Variants in BLM observed in about 807,000 individuals in gnomAD.
BLM encodes the protein recQ-like DNA helicase BLM.
A neutral mutation model predicts 135.3 loss-of-function variants in BLM; 95 were observed. The observed-to-expected ratio is 0.70, with a 90% CI of 0.59 to 0.83. The LOEUF (loss-of-function observed/expected upper bound fraction) is 0.83, where lower values mean the gene tolerates loss of function less well. Ranked by LOEUF, BLM falls within the 40% of genes least tolerant of loss-of-function variation. The pLI, the probability that BLM is intolerant of heterozygous loss-of-function variation, is 0.00. For synonymous variants in BLM, 520 were observed against 589.2 expected (o/e 0.88, Z 1.70); for missense variants, 1,518 against 1,663.9 (o/e 0.91, Z 1.53).
At chr15:90,740,220 T>G (rs537465659) in intron 1 of BLM, among the ~76,000 whole-genome samples, 1 of 152,306 alleles carries the variant, frequency 6.6e-6, no homozygotes, top group South Asian at 2.1e-4. Flanking sequence ...GCATACCCCT[T>G]GCCATCATCC....
chr15:90,743,097 G>A lies in BLM; in HGVS notation c.-4-4292G>A, dbSNP rs967543570. 2.0e-5 allele frequency among the ~76,000 whole-genome samples: 3 copies of A among 151,032 alleles called. No homozygotes were observed. In the East Asian group the frequency reaches 5.9e-4, roughly 30 times the overall value. On this transcript the variant is annotated intron_variant, in intron 1 of 21. Transcript: ENST00000355112. ...TGCAGCCTCGAACTCCTGGGCTCAAGGGATACTCCCACCTCAGCCTCCCTG... is the reference window on the plus strand; with the variant it reads ...TGCAGCCTCGAACTCCTGGGCTCAAAGGATACTCCCACCTCAGCCTCCCTG...
intron 1 of BLM, among the ~76,000 whole-genome samples, chr15:90,729,029 A>G (rs1175214052): frequency 6.6e-6 from 1 of 151,892 alleles, no homozygotes; most frequent in Non-Finnish European, 1.5e-5. Context: ...AAAAATAACA[A>G]TAACACACGG....
At chr15:90,801,117 C>G (rs940980964) in intron 17 of BLM, among the ~76,000 whole-genome samples, 1 of 151,224 alleles carries the variant, frequency 6.6e-6, no homozygotes, top group Admixed American at 6.6e-5. Context: ...CCACTGCACT[C>G]CAGCCTGGGT....
chr15:90,815,276 A>C lies in BLM; in HGVS notation c.4251A>C (p.Ser1417=), dbSNP rs886051553. 6.2e-7 allele frequency: 1 copy of C among 1,613,788 alleles called. No homozygotes were observed. Among genetic ancestry groups the C allele is most frequent in the Non-Finnish European group, 8.5e-7 (1 of 1,179,708 alleles). ...TTCTTAAGCCTTCATATGCATTCTC[A>C]TAACAACCGAATCTCAATGTACATA... The part of the protein sequence containing the change: ...RPFLKPSYAF[S] The change falls in exon 22 of 22, where the codon TCA becomes TCC. Residue 1417 remains serine, a synonymous_variant. Coordinates refer to ENST00000355112, the MANE Select transcript of BLM (RefSeq NM_000057.4). This position sits in a 1 kb window ranked among gnomAD's most constrained non-coding sequence, Gnocchi z 4.6.
intron 17 of BLM, among the ~76,000 whole-genome samples, chr15:90,801,173 A>G (rs950641779): frequency 8.2e-6 from 1 of 121,650 alleles, no homozygotes; most frequent in East Asian, 2.8e-4. Context: ...TGTAAAAAAA[A>G]AAAAAGTTGG....
At chr15:90,738,849 G>A (rs1023486536) in intron 1 of BLM, among the ~76,000 whole-genome samples, 8 of 152,106 alleles carry the variant, frequency 5.3e-5, no homozygotes, top group Non-Finnish European at 1.2e-4. Flanking sequence ...ATTAGGATGT[G>A]GAAAAATGGG....
rs2029894749 is a variant in BLM, at chr15:90,815,589, C to T, written c.*310C>T. ...CCCAGAAGCCAAAGGAAGAGCCACG[C>T]GTGGGCCCTTGTGAAACTAAAGCTT... On this transcript the variant is annotated 3_prime_UTR_variant, in exon 22 of 22. Coordinates refer to ENST00000355112, the MANE Select transcript of BLM (RefSeq NM_000057.4). The surrounding 1 kb of genome is among the most constrained non-coding windows in gnomAD (Gnocchi z 4.6). The T allele has an allele frequency of 1.1e-5, 4 of 379,782 alleles. No homozygotes were observed. The highest frequency in any genetic ancestry group is 9.8e-5 in the South Asian group (3 of 30,494). 23.5% of individuals were successfully genotyped at this position (379,782 alleles called of 1,614,324 possible).
chr15:90,811,053 G>T, intron 20 of BLM, 152 bp from the exon 21 acceptor site: 1 of 754,752 alleles, frequency 1.3e-6, no homozygotes, highest in East Asian at 2.6e-5. Flanking sequence ...GTAAAAAAAG[G>T]TTTGGTTCTT....
chr15:90,724,293 A>G (rs1002114185), intron 1 of BLM, among the ~76,000 whole-genome samples: 2 of 152,122 alleles, frequency 1.3e-5, no homozygotes, highest in Admixed American at 6.6e-5. Context: ...GATTACAAGC[A>G]TGAGCCACTT....
At chr15:90,799,423 A>C (rs1303471231) in intron 17 of BLM, among the ~76,000 whole-genome samples, 2 of 151,992 alleles carry the variant, frequency 1.3e-5, no homozygotes, top group Non-Finnish European at 2.9e-5. Flanking sequence ...AGTCAAGAAA[A>C]TTTAGGAACT....
chr15:90,718,993 TTTG>T (rs1894686472), intron 1 of BLM, among the ~76,000 whole-genome samples: 1 of 152,122 alleles, frequency 6.6e-6, no homozygotes, highest in Non-Finnish European at 1.5e-5. Flanking sequence ...TGAGTTTGTT[TTTG>T]TTTTTGTTTT....
intron 1 of BLM, among the ~76,000 whole-genome samples, chr15:90,730,941 T>A (rs1009370988): frequency 9.9e-5 from 15 of 151,802 alleles, no homozygotes; most frequent in Non-Finnish European, 1.5e-4. Context: ...GTATTTTTTA[T>A]TTTATTTATT....
At chr15:90,765,575 C>G (rs1169617317) in intron 9 of BLM, among the ~76,000 whole-genome samples, 161 bp downstream of exon 9, 2 of 152,228 alleles carry the variant, frequency 1.3e-5, no homozygotes, top group African/African-American at 4.8e-5. Flanking sequence ...CAGATAACCT[C>G]TAGTTCAATC....
intron 5 of BLM, 136 bp downstream of exon 5, chr15:90,755,074 C>A: frequency 1.8e-6 from 2 of 1,134,358 alleles, no homozygotes; most frequent in Non-Finnish European, 2.5e-6. Flanking sequence ...CTTCTAATGT[C>A]ATAACCTTGT....
intron 3 of BLM, among the ~76,000 whole-genome samples, chr15:90,751,421 G>A (rs1260326677): frequency 6.6e-6 from 1 of 152,196 alleles, no homozygotes; most frequent in African/African-American, 2.4e-5. Context: ...TGTACAAGCA[G>A]CCGTGTTTGT....
At chr15:90,778,254 G>A (rs968218464) in intron 12 of BLM, among the ~76,000 whole-genome samples, 8 of 152,040 alleles carry the variant, frequency 5.3e-5, no homozygotes, top group African/African-American at 1.9e-4. Context: ...ATTATTTTTA[G>A]TAAAAGTAAT....
At chr15:90,760,518 A>C in intron 6 of BLM, 76 bp from the exon 7 acceptor site, 1 of 1,439,440 alleles carries the variant, frequency 6.9e-7, no homozygotes, top group East Asian at 2.3e-5. Context: ...TTGGTATGAA[A>C]ACTACAGATT....
chr15:90,809,242 C>A lies in BLM; in HGVS notation c.3857C>A (p.Ser1286Tyr), dbSNP rs1423327905. The change falls in exon 20 of 22, where the codon TCT becomes TAT. Residue 1286 changes from serine (S) to tyrosine (Y), a missense_variant. Ser to Tyr is a moderately radical substitution (Grantham distance 144). Coordinates refer to ENST00000355112, the MANE Select transcript of BLM (RefSeq NM_000057.4). ...AEVISVLQKY[S>Y]EWTSPAEDSS... is the part of the protein sequence containing the mutation. The stretch of plus-strand genomic sequence containing the variant: ...GTGATTTCAGTATTACAGAAATACT[C>A]TGAATGGACATCGCCAGGTTAGTAC... 1 of 1,614,064 alleles carries A rather than the reference C, an allele frequency of 6.2e-7. No individual in the cohort carries two copies. The highest frequency in any genetic ancestry group is 8.5e-7 in the Non-Finnish European group (1 of 1,180,042).
At chr15:90,726,971 T>G (rs1041062159) in intron 1 of BLM, among the ~76,000 whole-genome samples, 2 of 152,168 alleles carry the variant, frequency 1.3e-5, no homozygotes, top group East Asian at 3.8e-4. Context: ...CTGAATCATA[T>G]GGTAGGTCTA....
Sources: allele counts gnomAD v4.1 joint callset (sites outside exome capture counted in the v4.1 genomes callset), GRCh38; gene constraint gnomAD v4.1.1; non-coding constraint Gnocchi (gnomAD v3.1); transcripts MANE v1.5; gene names NCBI Gene and HGNC (gene_info 2026-07-23, HGNC 2026-07-21).